Variants in ENPP6 observed in about 807,000 individuals in gnomAD.
ENPP6 encodes the protein ectonucleotide pyrophosphatase/phosphodiesterase 6, also known as glycerophosphocholine cholinephosphodiesterase ENPP6.
In ENPP6, 32 loss-of-function variants were observed where a neutral mutation model predicts 42.0. That is an observed-to-expected ratio of 0.76 (90% CI 0.58 to 1.02). The LOEUF is 1.02. Among genes scored for constraint, ENPP6 ranks in the 50% least tolerant of loss-of-function variants. ENPP6 has a pLI of 0.00. For synonymous variants in ENPP6, 213 were observed against 216.0 expected, an observed-to-expected ratio of 0.99 and a Z score of 0.12; for missense variants, 552 against 566.8, an observed-to-expected ratio of 0.97 and a Z score of 0.27.
chr4:184,107,012 G>A (rs1002735210), intron 6 of ENPP6, among the ~76,000 whole-genome samples: 4 of 152,272 alleles, frequency 2.6e-5, no homozygotes, highest in East Asian at 1.9e-4. Context: ...GTTTAGCATC[G>A]CCGAGCCTGC....
At chr4:184,173,554 C>T (rs1737511057) in intron 1 of ENPP6, among the ~76,000 whole-genome samples, 1 of 152,176 alleles carries the variant, frequency 6.6e-6, no homozygotes, top group Non-Finnish European at 1.5e-5. Context: ...GAATTTTGCT[C>T]TGGGGTTTAC....
Position 184,171,787 on chromosome 4 carries a change from AT to A in ENPP6, c.242-18055del, listed in dbSNP as rs34370676. On this transcript the variant is annotated intron_variant, in intron 1 of 7. Coordinates refer to ENST00000296741, the MANE Select transcript of ENPP6 (RefSeq NM_153343.4). Reference sequence around the variant, plus strand: ...TAATTTGTTAGTTACAAACACATTGATTTTTTTTTTTAAACCCCAGTGTATC... The same window carrying A: ...TAATTTGTTAGTTACAAACACATTGATTTTTTTTTTAAACCCCAGTGTATC... 6.2e-4 allele frequency among the ~76,000 whole-genome samples: 91 copies of A among 147,712 alleles called. 1 individual carries two copies. Among genetic ancestry groups the A allele is most frequent in the South Asian group, 5.9e-3 (28 of 4,770 alleles).
In ENPP6 at chr4:184,184,672, T is replaced by A. The variant is rs1732602647; in HGVS notation, c.242-30939A>T. 6.6e-6 allele frequency among the ~76,000 whole-genome samples: 1 copy of A among 151,494 alleles called. No homozygotes were observed. The highest frequency in any genetic ancestry group is 2.4e-5 in the African/African-American group (1 of 41,186). On this transcript the variant is annotated intron_variant, in intron 1 of 7. Coordinates refer to ENST00000296741, the MANE Select transcript of ENPP6 (RefSeq NM_153343.4). The surrounding 1 kb of genome is among the most constrained non-coding windows in gnomAD (Gnocchi z 4.7). ...TGGTCCTGCATCCAATGGCAAGAGG[T>A]CTTATAAGGAAGGGAGACAGTCACA... is the stretch of plus-strand genomic sequence containing the variant.
At chr4:184,126,967 C>T (rs1186595392) in intron 2 of ENPP6, among the ~76,000 whole-genome samples, 1 of 152,066 alleles carries the variant, frequency 6.6e-6, no homozygotes, top group Non-Finnish European at 1.5e-5. Flanking sequence ...ATGAAACATG[C>T]TAAAAACAGT....
At chr4:184,209,760 G>A (rs1733077956) in intron 1 of ENPP6, among the ~76,000 whole-genome samples, 1 of 147,186 alleles carries the variant, frequency 6.8e-6, no homozygotes, top group African/African-American at 2.6e-5. Context: ...CCCTCGAGAA[G>A]AGCAACTCCA....
Position 184,184,848 on chromosome 4 carries a change from T to TCGAG in ENPP6, c.242-31119_242-31116dup, listed in dbSNP as rs1732605809. 6.6e-6 allele frequency among the ~76,000 whole-genome samples: 1 copy of TCGAG among 151,654 alleles called. No individual in the cohort carries two copies. The highest frequency in any genetic ancestry group is 2.1e-4 in the South Asian group (1 of 4,786). ...AACCCTTGATTTTGGACTTCTTGCC[T>TCGAG]CGAGAACCATGGCAGTCGATTCCTG... On this transcript the variant is annotated intron_variant, in intron 1 of 7. Coordinates refer to ENST00000296741, the MANE Select transcript of ENPP6 (RefSeq NM_153343.4). This position sits in a 1 kb window ranked among gnomAD's most constrained non-coding sequence, Gnocchi z 4.7.
At chr4:184,117,954 C>T (rs1035169324) in intron 3 of ENPP6, 54 bp from the exon 4 acceptor site, 2 of 1,582,022 alleles carry the variant, frequency 1.3e-6, no homozygotes, top group Non-Finnish European at 1.7e-6. Flanking sequence ...CCAGCTTGCT[C>T]CCTTATCACC....
chr4:184,113,945 T>TTCTTTCTTTCTA (rs1468124413), intron 5 of ENPP6, among the ~76,000 whole-genome samples: 1 of 148,862 alleles, frequency 6.7e-6, no homozygotes, highest in African/African-American at 2.5e-5. Flanking sequence ...CTTTCTTTCT[T>TTCTTTCTTTCTA]TCTTTCTTTC....
rs543768061 is a variant in ENPP6 at position 184,168,656 on chromosome 4, A to G, written c.242-14923T>C. 6.7e-4 allele frequency among the ~76,000 whole-genome samples: 102 copies of G among 152,298 alleles called. 1 individual carries two copies. Among genetic ancestry groups the G allele is most frequent in the African/African-American group, 1.9e-3 (77 of 41,582 alleles). On this transcript the variant is annotated intron_variant, in intron 1 of 7. Coordinates refer to ENST00000296741, the MANE Select transcript of ENPP6 (RefSeq NM_153343.4). ...GCAGCCGTCCCCGTAGTCCGCCGAG[A>G]GGCGCCAGGCTGGGCCAGCCTTGAA... is the stretch of plus-strand genomic sequence containing the variant.
At chr4:184,113,899 T>TTTTCTTTCTTTCTTTCTTTCTCTTTC (rs1736257664) in intron 5 of ENPP6, among the ~76,000 whole-genome samples, 1 of 103,626 alleles carries the variant, frequency 9.7e-6, no homozygotes, top group Admixed American at 1.1e-4. Flanking sequence ...CCTTTCTTTC[T>TTTTCTTTCTTTCTTTCTTTCTCTTTC]TTTCTTTCTT....
chr4:184,131,513 C>T (rs1292450411), intron 2 of ENPP6, among the ~76,000 whole-genome samples: 1 of 110,940 alleles, frequency 9.0e-6, no homozygotes, highest in Non-Finnish European at 1.9e-5. Context: ...ATCACCATGC[C>T]CAGCTAATTT....
chr4:184,171,272 G>A (rs1365280502), intron 1 of ENPP6, among the ~76,000 whole-genome samples: 1 of 152,218 alleles, frequency 6.6e-6, no homozygotes, highest in African/African-American at 2.4e-5. Flanking sequence ...TCCACCTGTG[G>A]CCTCTCCATA....
chr4:184,199,460 T>G (rs564635946), intron 1 of ENPP6, among the ~76,000 whole-genome samples: 1 of 152,298 alleles, frequency 6.6e-6, no homozygotes, highest in South Asian at 2.1e-4. Context: ...CTTTAAAGAA[T>G]AATGTTTTCT....
At chr4:184,200,287 G>A (rs970450906) in intron 1 of ENPP6, among the ~76,000 whole-genome samples, 7 of 152,178 alleles carry the variant, frequency 4.6e-5, no homozygotes, top group East Asian at 1.9e-4. Context: ...AAGGACGTCC[G>A]GACCCACTCG....
At chr4:184,214,669 A>G (rs772190898) in intron 1 of ENPP6, among the ~76,000 whole-genome samples, 18 of 152,358 alleles carry the variant, frequency 1.2e-4, no homozygotes, top group Non-Finnish European at 2.2e-4. Context: ...GAATGTGTTC[A>G]TGTCCTTTGC....
chr4:184,139,393 A>G (rs910303514), intron 2 of ENPP6, among the ~76,000 whole-genome samples: 1 of 150,060 alleles, frequency 6.7e-6, no homozygotes, highest in Non-Finnish European at 1.5e-5. Flanking sequence ...TTTCGGGTAC[A>G]TGTGCACATT....
intron 1 of ENPP6, among the ~76,000 whole-genome samples, chr4:184,178,725 C>T (rs1296141718): frequency 2.0e-5 from 3 of 152,206 alleles, no homozygotes; most frequent in Non-Finnish European, 2.9e-5. Flanking sequence ...CAATATTTAA[C>T]ATTCTTAAAG....
chr4:184,167,599 T>C (rs1466852557), intron 1 of ENPP6, among the ~76,000 whole-genome samples: 2 of 152,160 alleles, frequency 1.3e-5, no homozygotes, highest in African/African-American at 4.8e-5. Context: ...GCCCGCTTTT[T>C]TGGGGGGAAA....
Position 184,143,625 on chromosome 4 carries a change from A to G in ENPP6, c.421+9929T>C, listed in dbSNP as rs139777445. The stretch of plus-strand genomic sequence containing the variant: ...CTGGGAGCCCCGCTTTCTGTCATTC[A>G]TTGGCCCTCATGGCCAATCCCGGAA... On this transcript the variant is annotated intron_variant, in intron 2 of 7. Coordinates refer to ENST00000296741, the MANE Select transcript of ENPP6 (RefSeq NM_153343.4). Among the ~76,000 whole-genome samples, 621 of 152,258 alleles carry G rather than the reference A, an allele frequency of 4.1e-3. 8 individuals carry two copies. The highest frequency in any genetic ancestry group is 0.014 in the African/African-American group (579 of 41,552).
Sources: allele counts gnomAD v4.1 joint callset (sites outside exome capture counted in the v4.1 genomes callset), GRCh38; gene constraint gnomAD v4.1.1; non-coding constraint Gnocchi (gnomAD v3.1); transcripts MANE v1.5; gene names NCBI Gene and HGNC (gene_info 2026-07-23, HGNC 2026-07-21).